Variants in TINAG observed in about 807,000 individuals in gnomAD.
TINAG encodes tubulointerstitial nephritis antigen.
TINAG carries 83 observed loss-of-function variants against 72.7 expected under a neutral mutation model. The ratio of observed to expected loss-of-function variants is 1.14; its 90% CI spans 0.96 to 1.37. The LOEUF is 1.37. Among genes scored for constraint, TINAG ranks in the 40% most tolerant of loss-of-function variants. TINAG has a pLI of 0.00. For missense variants in TINAG, 685 were observed against 576.6 expected, an observed-to-expected ratio of 1.19 and a Z score of -1.93; for synonymous variants, 234 against 189.9, an observed-to-expected ratio of 1.23 and a Z score of -1.91.
chr6:54,376,216 C>CTT (rs1191822417), intron 9 of TINAG, among the ~76,000 whole-genome samples: 1 of 152,148 alleles, frequency 6.6e-6, no homozygotes, highest in Admixed American at 6.6e-5. Context: ...AAAACATGCT[C>CTT]TTTTTAAAAG....
At chr6:54,325,988 A>C (rs1784593782) in intron 3 of TINAG, among the ~76,000 whole-genome samples, 2 of 152,194 alleles carry the variant, frequency 1.3e-5, no homozygotes, top group Non-Finnish European at 2.9e-5. Flanking sequence ...GACAGGGTTT[A>C]AATTTGATGT....
At chr6:54,375,406 G>T (rs535540158) in intron 9 of TINAG, among the ~76,000 whole-genome samples, 52 of 152,230 alleles carry the variant, frequency 3.4e-4, no homozygotes, top group African/African-American at 1.2e-3. Context: ...CACTGTCTTA[G>T]GCAATGATAA....
intron 4 of TINAG, chr6:54,327,253 G>A (rs1417454247): frequency 7.8e-6 from 11 of 1,409,788 alleles, no homozygotes; most frequent in East Asian, 6.0e-5. Flanking sequence ...TGAGGTACAC[G>A]GTTCATCTCA....
At chr6:54,343,805 G>A (rs1223118384) in intron 5 of TINAG, among the ~76,000 whole-genome samples, 4 of 151,764 alleles carry the variant, frequency 2.6e-5, no homozygotes, top group African/African-American at 7.3e-5. Flanking sequence ...AAATAATAAT[G>A]GATCAAATGG....
intron 5 of TINAG, among the ~76,000 whole-genome samples, chr6:54,346,455 A>G (rs1399506569): frequency 1.3e-5 from 2 of 151,740 alleles, no homozygotes; most frequent in South Asian, 2.1e-4. Flanking sequence ...AGTTAACAAT[A>G]TGATAGTCAT....
chr6:54,362,594 C>T (rs1447439569), intron 9 of TINAG, among the ~76,000 whole-genome samples: 1 of 151,550 alleles, frequency 6.6e-6, no homozygotes, highest in Non-Finnish European at 1.5e-5. Flanking sequence ...AACACAATAC[C>T]CATTCTGCAG....
chr6:54,350,721 T>C (rs1349709325), intron 7 of TINAG, among the ~76,000 whole-genome samples: 2 of 150,144 alleles, frequency 1.3e-5, no homozygotes, highest in African/African-American at 4.9e-5. Context: ...TTTCCTTGAT[T>C]TCCAGGCAGA....
chr6:54,315,785 G>T (rs1209175934), intron 1 of TINAG, among the ~76,000 whole-genome samples: 1 of 152,134 alleles, frequency 6.6e-6, no homozygotes, highest in African/African-American at 2.4e-5. Flanking sequence ...TTGGTATAGA[G>T]GATTTTAAGG....
intron 1 of TINAG, among the ~76,000 whole-genome samples, chr6:54,310,364 G>A (rs149231911): frequency 1.4e-4 from 22 of 151,996 alleles, no homozygotes; most frequent in Admixed American, 1.1e-3. Context: ...AGGATTACAG[G>A]AATGAATCAC....
intron 4 of TINAG, among the ~76,000 whole-genome samples, chr6:54,342,601 C>CT (rs1473396198): frequency 2.0e-5 from 3 of 152,196 alleles, no homozygotes; most frequent in African/African-American, 7.2e-5. Context: ...AACTCCTGAC[C>CT]TTGTGATCCA....
chr6:54,380,443 G>A, intron 9 of TINAG, 83 bp from the exon 10 acceptor site: 3 of 1,153,410 alleles, frequency 2.6e-6, no homozygotes, highest in East Asian at 2.5e-5. Flanking sequence ...AAAAGATGTA[G>A]GAATGACAAT....
Position 54,326,864 on chromosome 6 carries a change from G to T in TINAG, c.572G>T (p.Arg191Leu), listed in dbSNP as rs368916966. The change falls in exon 4 of 11, where the codon CGC (arginine) becomes CTC (leucine). Residue 191 changes from arginine to leucine, a missense_variant. Physicochemically the swap from Arg to Leu is moderately radical, Grantham distance 102. Coordinates refer to ENST00000259782, the MANE Select transcript of TINAG (RefSeq NM_014464.4). ...ACTTTAGAAGATGGTTTTAAATTTC[G>T]CCTTGGCACTTTGCCACCTAGTCCC... Reference protein sequence around the residue: ...GMTLEDGFKFRLGTLPPSPML... With the variant: ...GMTLEDGFKFLLGTLPPSPML... The T allele has an allele frequency of 3.1e-6, 5 of 1,612,674 alleles. No individual in the cohort carries two copies.
At chr6:54,382,301 T>C (rs1366120008) in intron 10 of TINAG, among the ~76,000 whole-genome samples, 1 of 152,100 alleles carries the variant, frequency 6.6e-6, no homozygotes, top group African/African-American at 2.4e-5. Context: ...TACTGAACTG[T>C]GTTCTCCTCA....
At chr6:54,347,082 TGAG>T (rs1317771741) in intron 5 of TINAG, among the ~76,000 whole-genome samples, 2 of 152,024 alleles carry the variant, frequency 1.3e-5, no homozygotes, top group Admixed American at 1.3e-4. Flanking sequence ...GATTCCTTAA[TGAG>T]GAGTTCAGGA....
intron 4 of TINAG, among the ~76,000 whole-genome samples, chr6:54,332,171 G>A (rs1168756105): frequency 6.6e-6 from 1 of 152,052 alleles, no homozygotes; most frequent in African/African-American, 2.4e-5. Flanking sequence ...ACAATCCTAA[G>A]CCAAAAGAAC....
At chr6:54,332,707 G>T (rs1784769845) in intron 4 of TINAG, among the ~76,000 whole-genome samples, 1 of 152,132 alleles carries the variant, frequency 6.6e-6, no homozygotes, top group African/African-American at 2.4e-5. Flanking sequence ...GAAAATTTTT[G>T]CAGTCTATCC....
At chr6:54,365,946 T>C (rs1312188712) in intron 9 of TINAG, among the ~76,000 whole-genome samples, 4 of 151,518 alleles carry the variant, frequency 2.6e-5, no homozygotes, top group African/African-American at 7.3e-5. Flanking sequence ...AAAAATCTTG[T>C]TTGAGCCTAG....
chr6:54,351,618 A>G (rs555749780), intron 8 of TINAG, among the ~76,000 whole-genome samples: 7 of 152,090 alleles, frequency 4.6e-5, no homozygotes, highest in Admixed American at 3.3e-4. Context: ...TCATTTATAA[A>G]TTGAACTCTT....
upstream of TINAG, chr6:54,308,306 A>T: frequency 4.7e-6 from 3 of 645,046 alleles, no homozygotes; most frequent in Non-Finnish European, 7.9e-6. Flanking sequence ...CACTATATGA[A>T]ATATAAGTTT....
Sources: gnomAD v4.1 joint callset for allele counts (sites outside exome capture counted in the v4.1 genomes callset) on GRCh38, gnomAD v4.1.1 for gene constraint, MANE v1.5 for transcripts, NCBI Gene and HGNC (gene_info 2026-07-23, HGNC 2026-07-21) for gene names.